Variants in BBX observed in about 807,000 individuals in gnomAD.
BBX encodes the protein BBX high mobility group box domain containing, also known as HMG box transcription factor BBX.
In BBX, 30 loss-of-function variants were observed where a neutral mutation model predicts 100.2. The observed-to-expected ratio is 0.30, with a 90% CI of 0.22 to 0.41. The LOEUF (loss-of-function observed/expected upper bound fraction) is 0.41. Ranked by LOEUF, BBX falls within the 10% of genes least tolerant of loss-of-function variation. The pLI is 1.00. For missense variants in BBX, 1,023 were observed against 1,129.8 expected (o/e 0.91, Z 1.35); for synonymous variants, 376 against 388.1 (o/e 0.97, Z 0.37).
At chr3:107,534,337 G>A (rs1187740521) in intron 2 of BBX, among the ~76,000 whole-genome samples, 1 of 152,138 alleles carries the variant, frequency 6.6e-6, no homozygotes, top group Non-Finnish European at 1.5e-5. Context: ...ACTGCAGAGG[G>A]AATGTGGTGG....
intron 2 of BBX, among the ~76,000 whole-genome samples, chr3:107,637,621 G>T (rs183542887): frequency 1.4e-4 from 22 of 152,302 alleles, no homozygotes; most frequent in Admixed American, 1.4e-3. Flanking sequence ...CCAACATTCT[G>T]TAATCCTGTG....
At chr3:107,532,216 CAT>C (rs552778535) in intron 2 of BBX, among the ~76,000 whole-genome samples, 132 of 151,736 alleles carry the variant, frequency 8.7e-4, no homozygotes, top group African/African-American at 2.9e-3. Context: ...AAAACAAAAA[CAT>C]GTGACCAATG....
intron 2 of BBX, among the ~76,000 whole-genome samples, chr3:107,582,133 A>T (rs2052327542): frequency 6.6e-6 from 1 of 151,874 alleles, no homozygotes; most frequent in African/African-American, 2.4e-5. Context: ...CTTCTTTTTA[A>T]AAAAAAATCA....
intron 4 of BBX, among the ~76,000 whole-genome samples, chr3:107,716,244 A>T (rs1488497900): frequency 6.6e-6 from 1 of 152,194 alleles, no homozygotes; most frequent in Non-Finnish European, 1.5e-5. Context: ...TTAATTAAGT[A>T]CTAATATTAT....
chr3:107,595,057 G>T (rs1405550304), intron 2 of BBX, among the ~76,000 whole-genome samples: 2 of 152,202 alleles, frequency 1.3e-5, no homozygotes, highest in Non-Finnish European at 2.9e-5. Context: ...ATTCCTTGCG[G>T]CAGAGTCTGT....
chr3:107,603,294 T>C (rs2107627611), intron 2 of BBX, among the ~76,000 whole-genome samples: 1 of 152,146 alleles, frequency 6.6e-6, no homozygotes, highest in African/African-American at 2.4e-5. Flanking sequence ...GTGTGTAAAA[T>C]GCTATCAAAC....
intron 3 of BBX, among the ~76,000 whole-genome samples, chr3:107,693,554 C>G (rs1340016313): frequency 6.6e-6 from 1 of 151,704 alleles, no homozygotes; most frequent in Non-Finnish European, 1.5e-5. Flanking sequence ...TTCCATTGAT[C>G]TGTATCTCTG....
chr3:107,603,474 G>A (rs1277969750), intron 2 of BBX, among the ~76,000 whole-genome samples: 2 of 151,956 alleles, frequency 1.3e-5, no homozygotes, highest in Non-Finnish European at 2.9e-5. Context: ...TGCATCCCAG[G>A]TTCAAGTGAT....
At chr3:107,617,503 T>C (rs955157008) in intron 2 of BBX, among the ~76,000 whole-genome samples, 2 of 152,200 alleles carry the variant, frequency 1.3e-5, no homozygotes, top group African/African-American at 4.8e-5. Flanking sequence ...TTCTAATTCA[T>C]GAACACTGTA....
At chr3:107,757,841 A>C (rs1169035672) in intron 10 of BBX, among the ~76,000 whole-genome samples, 1 of 152,254 alleles carries the variant, frequency 6.6e-6, no homozygotes, top group Non-Finnish European at 1.5e-5. Context: ...CCTATTGCCT[A>C]GAATTGGTGA....
rs114350315 is a variant in BBX at position 107,729,756 on chromosome 3, A to G, written c.601+796A>G. Among the ~76,000 whole-genome samples the G allele has an allele frequency of 4.7e-3, 720 of 152,252 alleles. 5 individuals are homozygous for G. Among genetic ancestry groups the G allele is most frequent in the Admixed American group, 9.0e-3 (138 of 15,284 alleles). On this transcript the variant is annotated intron_variant, in intron 6 of 17. Coordinates refer to ENST00000325805, the MANE Select transcript of BBX (RefSeq NM_001142568.3). ...GGTATTAGAAGCAAATTTTCTTCCA[A>G]AGCAGAGTATTGAACTATTTGCATA...
At chr3:107,665,851 G>A (rs1489620014) in intron 3 of BBX, among the ~76,000 whole-genome samples, 1 of 152,090 alleles carries the variant, frequency 6.6e-6, no homozygotes, top group African/African-American at 2.4e-5. Flanking sequence ...TTTCTGTTGG[G>A]CTTTTCCTTG....
At chr3:107,795,408 C>T (rs1314606603) in intron 15 of BBX, among the ~76,000 whole-genome samples, 4 of 152,168 alleles carry the variant, frequency 2.6e-5, no homozygotes, top group African/African-American at 9.7e-5. Flanking sequence ...ACCATACGTT[C>T]TGGGGTTAAC....
chr3:107,697,791 C>G (rs1047368283), intron 3 of BBX, among the ~76,000 whole-genome samples: 1 of 151,890 alleles, frequency 6.6e-6, no homozygotes, highest in Non-Finnish European at 1.5e-5. Context: ...CGCCCCTCCC[C>G]CAGCCTCGCT....
intron 12 of BBX, among the ~76,000 whole-genome samples, chr3:107,777,498 A>G (rs2067420521): frequency 6.6e-6 from 1 of 152,164 alleles, no homozygotes; most frequent in Non-Finnish European, 1.5e-5. Flanking sequence ...TCCATCTACC[A>G]GGCACAGCAG....
chr3:107,695,145 A>T (rs1425854439), intron 3 of BBX, among the ~76,000 whole-genome samples: 4 of 125,482 alleles, frequency 3.2e-5, no homozygotes, highest in Non-Finnish European at 4.9e-5. Flanking sequence ...TCAAAAAACC[A>T]GCTCCTGGAT....
At chr3:107,795,748 C>G (rs2069582050) in intron 15 of BBX, among the ~76,000 whole-genome samples, 2 of 150,772 alleles carry the variant, frequency 1.3e-5, no homozygotes, top group South Asian at 4.2e-4. Context: ...GGCTCTTTGC[C>G]TGCTGGTTTC....
At chr3:107,643,050 G>T (rs934410488) in intron 2 of BBX, among the ~76,000 whole-genome samples, 6 of 152,172 alleles carry the variant, frequency 3.9e-5, no homozygotes, top group East Asian at 1.9e-4. Flanking sequence ...TGACATCAGG[G>T]TGCAAAACAC....
chr3:107,662,788 G>C (rs2058530227), intron 3 of BBX: 1 of 151,622 alleles, frequency 6.6e-6, no homozygotes, highest in Non-Finnish European at 1.5e-5. Context: ...TTTAAACGTT[G>C]GGCAATCTAC....
Sources: gnomAD v4.1 joint callset for allele counts (sites outside exome capture counted in the v4.1 genomes callset) on GRCh38, gnomAD v4.1.1 for gene constraint, MANE v1.5 for transcripts, NCBI Gene and HGNC (gene_info 2026-07-23, HGNC 2026-07-21) for gene names.